Variants in ST7 observed in about 807,000 individuals in gnomAD.
The protein encoded by ST7 is suppression of tumorigenicity 7.
In ST7, 28 loss-of-function variants were observed where a neutral mutation model predicts 78.7. That is an observed-to-expected ratio of 0.36 (90% CI 0.26 to 0.49). The LOEUF (loss-of-function observed/expected upper bound fraction) is 0.49, where lower values mean the gene tolerates loss of function less well. ST7 is among the 20% of genes least tolerant of loss of function. ST7 has a pLI of 0.99. For synonymous variants in ST7, 247 were observed against 249.6 expected, an observed-to-expected ratio of 0.99 and a Z score of 0.10; for missense variants, 418 against 696.0, an observed-to-expected ratio of 0.60 and a Z score of 4.49.
intron 13 of ST7, among the ~76,000 whole-genome samples, chr7:117,217,305 A>AC (rs1319105535): frequency 1.3e-5 from 2 of 151,994 alleles, no homozygotes; most frequent in African/African-American, 4.8e-5. Context: ...AAAAACAAAA[A>AC]AAAAAACTTC....
intron 3 of ST7, chr7:117,128,228 G>A (rs1411794981): frequency 6.6e-6 from 1 of 151,884 alleles, no homozygotes; most frequent in Non-Finnish European, 1.5e-5. Context: ...TCTGAGCAGG[G>A]GTTGGCAGTG....
chr7:117,196,103 T>C (rs1045834064), intron 12 of ST7, among the ~76,000 whole-genome samples: 1 of 152,262 alleles, frequency 6.6e-6, no homozygotes, highest in Non-Finnish European at 1.5e-5. Context: ...AATTTTCTTC[T>C]TTTTAAAGAC....
At chr7:117,094,526 T>C (rs1211134835) in intron 1 of ST7, among the ~76,000 whole-genome samples, 1 of 152,234 alleles carries the variant, frequency 6.6e-6, no homozygotes, top group Non-Finnish European at 1.5e-5. Context: ...TGTGAGCCTC[T>C]TGTGGTCAGG....
At chr7:117,191,872 G>A (rs1809815392) in intron 12 of ST7, 1 of 152,128 alleles carries the variant, frequency 6.6e-6, no homozygotes, top group Admixed American at 6.5e-5. Flanking sequence ...AAAAGGGTGG[G>A]GGGGTATGAG....
intron 9 of ST7, among the ~76,000 whole-genome samples, chr7:117,157,025 C>G (rs9785047): frequency 0.12 from 18,517 of 152,114 alleles, 2,040 homozygotes; most frequent in African/African-American, 0.29. Flanking sequence ...TTCACATAGA[C>G]TGAAATTATC....
At chr7:117,189,280 C>A in intron 10 of ST7, 41 bp from the exon 11 acceptor site, 1 of 1,473,946 alleles carries the variant, frequency 6.8e-7, no homozygotes, top group Admixed American at 1.8e-5. Context: ...CTCTTTGTTA[C>A]CTGCAAACTT....
rs1338271339 is a variant in ST7, at chr7:117,190,549, C to T, written c.1152-285C>T. On this transcript the variant is annotated intron_variant, in intron 11 of 15. Transcript: ENST00000323984. The surrounding 1 kb of genome is among the most constrained non-coding windows in gnomAD (Gnocchi z 5.2). ...TTGTCAGTCCTACCTCTTCCCCTGA[C>T]CTGAGCAGGTACCTCGTAGAAGATT... 2.0e-5 allele frequency among the ~76,000 whole-genome samples: 3 copies of T among 152,352 alleles called. No homozygotes were observed. The highest frequency in any genetic ancestry group is 4.4e-5 in the Non-Finnish European group (3 of 68,034).
intron 1 of ST7, among the ~76,000 whole-genome samples, chr7:117,026,246 A>G (rs1383671453): frequency 1.3e-5 from 2 of 152,208 alleles, no homozygotes; most frequent in East Asian, 3.8e-4. Context: ...GCATTAATTT[A>G]TGTTCAAATA....
intron 1 of ST7, among the ~76,000 whole-genome samples, chr7:117,082,232 T>G (rs961226995): frequency 2.0e-5 from 3 of 152,178 alleles, no homozygotes; most frequent in Admixed American, 1.3e-4. Flanking sequence ...TCTACCCAAG[T>G]TGACACACAA....
At chr7:117,068,210 TAATG>T (rs1444013592) in intron 1 of ST7, among the ~76,000 whole-genome samples, 1 of 152,194 alleles carries the variant, frequency 6.6e-6, no homozygotes, top group Non-Finnish European at 1.5e-5. Flanking sequence ...ATTTCAAAAA[TAATG>T]AATCATATAT....
In ST7 at chr7:117,229,730, C is replaced by T. The variant is rs767391319; in HGVS notation, c.1639-32C>T. 30 of 1,568,152 alleles carry T rather than the reference C, an allele frequency of 1.9e-5. No homozygotes were observed. In the South Asian group the frequency reaches 3.5e-4, roughly 18 times the overall value. On this transcript the variant is annotated intron_variant, in intron 15 of 15. Coordinates refer to ENST00000323984, the MANE Select transcript of ST7 (RefSeq NM_001369598.1). ...TTTATAGTCTTGAACAAGGTTTCTG[C>T]TGACTTCTGTGTCTGTCTGGTTTCT...
intron 12 of ST7, among the ~76,000 whole-genome samples, chr7:117,199,637 C>T (rs555381688): frequency 6.6e-6 from 1 of 152,344 alleles, no homozygotes; most frequent in African/African-American, 2.4e-5. Context: ...CCTCTTTTCC[C>T]TCCCAGCAGC....
chr7:117,149,579 G>GTC (rs904647577), intron 9 of ST7, among the ~76,000 whole-genome samples: 1 of 136,674 alleles, frequency 7.3e-6, no homozygotes, highest in Non-Finnish European at 1.6e-5. Flanking sequence ...CACCTTGACT[G>GTC]TCCGTGTCCT....
rs1438884424 is a variant in ST7, at chr7:117,167,052, TC to T, written c.964-3809del. On this transcript the variant is annotated intron_variant, in intron 9 of 15. Transcript: ENST00000323984. ...AGAGAAAAGAGGAGATGGTAATGAT[TC>T]TTTTTTTTTTTTACTTTGTTTTTTT... Among the ~76,000 whole-genome samples the T allele has an allele frequency of 6.9e-5, 10 of 145,218 alleles. No individual in the cohort carries two copies. In the South Asian group the frequency reaches 1.7e-3, roughly 25 times the overall value.
intron 2 of ST7, among the ~76,000 whole-genome samples, chr7:117,105,868 G>A (rs1396700790): frequency 6.6e-6 from 1 of 152,180 alleles, no homozygotes; most frequent in Admixed American, 6.5e-5. Context: ...AAAGCCATGG[G>A]GAGAATCAGG....
intron 10 of ST7, among the ~76,000 whole-genome samples, chr7:117,186,698 C>T (rs923949396): frequency 6.6e-6 from 1 of 152,144 alleles, no homozygotes; most frequent in Non-Finnish European, 1.5e-5. Context: ...TTAAAGCATA[C>T]TTTTTATAAA....
chr7:116,982,859 A>G (rs568261454), intron 1 of ST7, among the ~76,000 whole-genome samples: 1 of 152,284 alleles, frequency 6.6e-6, no homozygotes, highest in Non-Finnish European at 1.5e-5. Flanking sequence ...GAATATATGT[A>G]TATATTCATA....
intron 12 of ST7, among the ~76,000 whole-genome samples, chr7:117,196,680 G>GTTTTCAA (rs112990013): frequency 0.72 from 85,205 of 118,872 alleles, 29,383 homozygotes; most frequent in East Asian, 0.93. Flanking sequence ...TTGCTTATAT[G>GTTTTCAA]TTTTCAATAT....
At chr7:117,053,702 G>A (rs193022551) in intron 1 of ST7, among the ~76,000 whole-genome samples, 1 of 152,284 alleles carries the variant, frequency 6.6e-6, no homozygotes, top group East Asian at 1.9e-4. Context: ...GGAATAGGAT[G>A]GTCAGATAGA....
Sources: allele counts gnomAD v4.1 joint callset (sites outside exome capture counted in the v4.1 genomes callset), GRCh38; gene constraint gnomAD v4.1.1; non-coding constraint Gnocchi (gnomAD v3.1); transcripts MANE v1.5; gene names NCBI Gene and HGNC (gene_info 2026-07-23, HGNC 2026-07-21).